Variants in TEX10 observed in about 807,000 individuals in gnomAD.
The protein encoded by TEX10 is testis-expressed protein 10.
Under a neutral mutation model 104.4 loss-of-function variants are expected in TEX10, and 24 were observed. That is an observed-to-expected ratio of 0.23 (90% CI 0.17 to 0.32). TEX10 has a LOEUF of 0.32. Among genes scored for constraint, TEX10 ranks in the 10% least tolerant of loss-of-function variants. The pLI, the probability that TEX10 is intolerant of heterozygous loss-of-function variation, is 1.00. For synonymous variants in TEX10, 396 were observed against 393.4 expected, an observed-to-expected ratio of 1.01 and a Z score of -0.08; for missense variants, 921 against 1,083.9, an observed-to-expected ratio of 0.85 and a Z score of 2.11.
chr9:100,322,016 T>C (rs1834583892), intron 9 of TEX10, among the ~76,000 whole-genome samples: 1 of 152,152 alleles, frequency 6.6e-6, no homozygotes, highest in Non-Finnish European at 1.5e-5. Context: ...TCAACATATA[T>C]AGTACAACAG....
chr9:100,310,161 A>C (rs537625026), intron 12 of TEX10, 138 bp downstream of exon 12: 1 of 698,598 alleles, frequency 1.4e-6, no homozygotes, highest in Admixed American at 3.2e-5. Flanking sequence ...AGTTCTTGCC[A>C]ATGCATCATG....
Position 100,349,257 on chromosome 9 carries a change from T to C in TEX10, c.107A>G (p.Lys36Arg). 1 of 1,607,224 alleles carries C rather than the reference T, an allele frequency of 6.2e-7. No individual in the cohort carries two copies. Among genetic ancestry groups the C allele is most frequent in the Non-Finnish European group, 8.5e-7 (1 of 1,178,174 alleles). The change falls in exon 2 of 15, where the codon AAG becomes AGG. Residue 36 changes from lysine (K) to arginine (R), a missense_variant. Lys to Arg is a conservative substitution (Grantham distance 26). Coordinates refer to ENST00000374902, the MANE Select transcript of TEX10 (RefSeq NM_017746.4). ...QNATPTNFKT[K>R]TIHLPEQLKE... is the part of the protein sequence containing the mutation. ...GAGTTGCTCAGGCAGATGTATAGTC[T>C]TTGTTTTAAAGTTTGTAGGAGTAGC...
rs1834072577 is a variant in TEX10, at chr9:100,303,694, G to A, written c.2614C>T (p.Pro872Ser). 1.9e-6 allele frequency: 3 copies of A among 1,614,002 alleles called. No homozygotes were observed. The highest frequency in any genetic ancestry group is 2.5e-6 in the Non-Finnish European group (3 of 1,180,028). The change falls in exon 14 of 15, where the codon CCC (proline) becomes TCC (serine). Residue 872 changes from proline to serine, a missense_variant. Transcript: ENST00000374902. ...TTGGTCAACATATGAGTCCTGAGGG[G>A]TGCATGCTGAAGCAGCAGTCGAAGC... is the stretch of plus-strand genomic sequence containing the variant. ...QLLRLLLQHA[P>S]LRTHMLTNAI...
intron 10 of TEX10, among the ~76,000 whole-genome samples, chr9:100,321,159 G>C (rs1199674476): frequency 6.6e-6 from 1 of 152,050 alleles, no homozygotes; most frequent in Non-Finnish European, 1.5e-5. Flanking sequence ...CACCTCAAAT[G>C]TATACATTCA....
rs978080928 is a variant in TEX10, at chr9:100,324,839, C to T, written c.1979+1463G>A. On this transcript the variant is annotated intron_variant, in intron 9 of 14. Coordinates refer to ENST00000374902, the MANE Select transcript of TEX10 (RefSeq NM_017746.4). ...AAATAAAAAACAAGCTCTTAAGTTA[C>T]GGAAAATTTTTTTTAAAAATTTAAC... 2.6e-5 allele frequency among the ~76,000 whole-genome samples: 4 copies of T among 151,966 alleles called. No individual in the cohort carries two copies. The South Asian group carries it at 6.2e-4, about 24-fold the overall frequency.
chr9:100,302,799 A>G (rs1414937947), intron 14 of TEX10, among the ~76,000 whole-genome samples: 1 of 152,218 alleles, frequency 6.6e-6, no homozygotes, highest in Non-Finnish European at 1.5e-5. Context: ...TTACCCCTAC[A>G]AAGGCTACTG....
intron 11 of TEX10, among the ~76,000 whole-genome samples, chr9:100,315,508 C>T (rs764960988): frequency 2.2e-4 from 33 of 152,006 alleles, no homozygotes; most frequent in Non-Finnish European, 4.7e-4. Context: ...TGAATTGATC[C>T]GTTCATCATT....
Position 100,346,972 on chromosome 9 carries a change from G to A in TEX10, c.615C>T (p.Ser205=). Residue 205 remains serine, a synonymous_variant, in exon 3 of 15, where the codon TCC becomes TCT. Coordinates refer to ENST00000374902, the MANE Select transcript of TEX10 (RefSeq NM_017746.4). ...GATTTACAGAAAGTATCCAGGACTG[G>A]GATCTGTCTCTATTTATCAGTCCTT... The part of the protein sequence containing the change: ...LSKGLINRDR[S]QSWILSVNPN... 6.2e-7 allele frequency: 1 copy of A among 1,614,168 alleles called. No homozygotes were observed. The highest frequency in any genetic ancestry group is 8.5e-7 in the Non-Finnish European group (1 of 1,180,032).
rs1834707446 is a variant in TEX10, at chr9:100,326,472, T to C, written c.1809A>G (p.Gln603=). 1.2e-6 allele frequency: 2 copies of C among 1,612,808 alleles called. No homozygotes were observed. Among genetic ancestry groups the C allele is most frequent in the South Asian group, 1.1e-5 (1 of 90,944 alleles). ...QATALRIYDP[Q]EGAVVVLPAD... ...CAGGGAGAACCACCACAGCACCTTC[T>C]TGTGGATCTAGTGAGGTGGATAGAC... The change falls in exon 9 of 15, where the codon CAA becomes CAG. Residue 603 remains glutamine (Q), a synonymous_variant. Transcript: ENST00000374902.
At chr9:100,318,519 C>G (rs2118856995) in intron 11 of TEX10, among the ~76,000 whole-genome samples, 1 of 152,238 alleles carries the variant, frequency 6.6e-6, no homozygotes, top group East Asian at 1.9e-4. Flanking sequence ...GTACAGTGTA[C>G]ATTGTTGGGT....
chr9:100,308,605 C>G lies in TEX10; in HGVS notation c.2360G>C (p.Cys787Ser). The G allele has an allele frequency of 6.2e-7, 1 of 1,613,124 alleles. No individual in the cohort carries two copies. The highest frequency in any genetic ancestry group is 1.1e-5 in the South Asian group (1 of 90,886). Residue 787 changes from cysteine (C) to serine (S), a missense_variant, in exon 13 of 15, where the codon TGT becomes TCT. By Grantham distance (112) the Cys-to-Ser change is moderately radical (BLOSUM62 -1). Coordinates refer to ENST00000374902, the MANE Select transcript of TEX10 (RefSeq NM_017746.4). ...GVICKLLDHTCVVSETLLPFL... is the reference protein window; with the variant it reads ...GVICKLLDHTSVVSETLLPFL... Reference sequence around the variant, plus strand: ...TGGCAGTAGAGTCTCACTAACTACACAAGTATGATCCAGGAGCTTACAGAT... The same window carrying G: ...TGGCAGTAGAGTCTCACTAACTACAGAAGTATGATCCAGGAGCTTACAGAT...
At chr9:100,304,321 A>G (rs1281578646) in intron 13 of TEX10, 1 of 201,152 alleles carries the variant, frequency 5.0e-6, no homozygotes. Flanking sequence ...CTGACTTCAC[A>G]GTACACTACA....
At position 100,346,870 on chromosome 9, in the gene TEX10, T is replaced by C. The variant is rs1237599995; in HGVS notation, c.717A>G (p.Ala239=). 1 of 1,614,220 alleles carries C rather than the reference T, an allele frequency of 6.2e-7. No individual in the cohort carries two copies. The highest frequency in any genetic ancestry group is 2.2e-5 in the East Asian group (1 of 44,892). ...VRLSKFLQAL[A]DGSSRLRESE... ...TTTCTCTCAACCTACTGGATCCATC[T>C]GCCAAGGCCTGAAGGAATTTACTGA... Residue 239 remains alanine, a synonymous_variant, in exon 3 of 15, where the codon GCA becomes GCG. Transcript: ENST00000374902.
At chr9:100,329,840 A>C (rs1834811334) in intron 6 of TEX10, 91 bp downstream of exon 6, 1 of 1,085,256 alleles carries the variant, frequency 9.2e-7, no homozygotes, top group Non-Finnish European at 1.3e-6. Context: ...GACTACATGG[A>C]ATGTTTACAA....
chr9:100,338,908 G>A (rs1035799855), intron 5 of TEX10, among the ~76,000 whole-genome samples: 3 of 151,534 alleles, frequency 2.0e-5, no homozygotes, highest in East Asian at 1.9e-4. Flanking sequence ...AATCACTGTC[G>A]CAGTTTCTGT....
chr9:100,329,126 T>C lies in TEX10; in HGVS notation c.1625+14A>G, dbSNP rs1412721880. ...AGCAAGAGAAAAAAGAAAGGAAAAA[T>C]AACAAGATTTTACCTGAATCTACAA... On this transcript the variant is annotated intron_variant, in intron 7 of 14. Transcript: ENST00000374902. 20 of 1,576,656 alleles carry C rather than the reference T, an allele frequency of 1.3e-5. No homozygotes were observed. The highest frequency in any genetic ancestry group is 1.6e-5 in the Non-Finnish European group (19 of 1,171,078).
chr9:100,339,313 GT>G (rs200995778), intron 5 of TEX10, among the ~76,000 whole-genome samples: 5,361 of 87,686 alleles, frequency 0.061, 410 homozygotes, highest in African/African-American at 0.2. Context: ...ACACATATTT[GT>G]TTTTTATATA....
At position 100,349,209 on chromosome 9, in the gene TEX10, G is replaced by C; in HGVS notation, c.155C>G (p.Thr52Arg). Reference protein sequence around the residue: ...EQLKEDGTLPTNNRKLNIKDL... With the variant: ...EQLKEDGTLPRNNRKLNIKDL... ...CTTTATGTTAAGTTTTCTATTGTTT[G>C]TTGGAAGTGTTCCATCCTCTTTGAG... Residue 52 changes from threonine to arginine, a missense_variant, in exon 2 of 15, where the codon ACA becomes AGA. Physicochemically the swap from Thr to Arg is moderately conservative, Grantham distance 71 (BLOSUM62 -1). Around this residue, in one of 3 missense-constraint regions of TEX10, gnomAD observed 118 missense variants for 111.3 expected, o/e 1.06. Transcript: ENST00000374902. 6.5e-7 allele frequency: 1 copy of C among 1,548,362 alleles called. No individual in the cohort carries two copies. Among genetic ancestry groups the C allele is most frequent in the South Asian group, 1.3e-5 (1 of 77,018 alleles).
At chr9:100,348,599 C>T (rs1039642322) in intron 2 of TEX10, among the ~76,000 whole-genome samples, 4 of 152,168 alleles carry the variant, frequency 2.6e-5, no homozygotes, top group African/African-American at 9.7e-5. Context: ...AAATTTGACA[C>T]ATCAAAAACA....
Sources: gnomAD v4.1 joint callset for allele counts (sites outside exome capture counted in the v4.1 genomes callset) on GRCh38, gnomAD v4.1.1 for gene constraint, gnomAD v4.1.1 regional missense constraint, MANE v1.5 for transcripts, NCBI Gene and HGNC (gene_info 2026-07-23, HGNC 2026-07-21) for gene names.